The following REDIC1 variants were observed in gnomAD, a reference collection of about 807,000 sequenced individuals.
REDIC1 encodes regulator of DNA class I crossover intermediates 1, also known as HEI10 Interacting Protein 1.
chr12:39,686,531 G>T, the REDIC1 span, among the ~76,000 whole-genome samples: 1 of 148,294 alleles, frequency 6.7e-6, no homozygotes, highest in African/African-American at 2.5e-5. Context: ...GCAGGGCCCT[G>T]AGCCTGGCCC....
the REDIC1 span, among the ~76,000 whole-genome samples, chr12:39,852,779 AACCAATCAGATTGGTTGTG>A: frequency 6.6e-6 from 1 of 152,152 alleles, no homozygotes; most frequent in African/African-American, 2.4e-5. Flanking sequence ...CCTCTCCTGA[AACCAATCAGATTGGTTGTG>A]ACCTCGTCTT....
At chr12:39,835,264 C>T in the REDIC1 span, among the ~76,000 whole-genome samples, 11 of 152,002 alleles carry the variant, frequency 7.2e-5, no homozygotes, top group Admixed American at 6.6e-5. Context: ...TAACAATCCA[C>T]CCAGTTCTAA....
the REDIC1 span, among the ~76,000 whole-genome samples, chr12:39,801,253 A>G: frequency 6.1e-5 from 9 of 147,286 alleles, no homozygotes; most frequent in African/African-American, 9.9e-5. Flanking sequence ...TAATTAAAAA[A>G]AAAATCATTT....
the REDIC1 span, among the ~76,000 whole-genome samples, chr12:39,731,538 G>A: frequency 6.6e-6 from 1 of 152,170 alleles, no homozygotes; most frequent in Non-Finnish European, 1.5e-5. Context: ...GTCCCAGAGG[G>A]GCACCCGCCA....
At chr12:39,807,956 G>A in the REDIC1 span, among the ~76,000 whole-genome samples, 1 of 152,086 alleles carries the variant, frequency 6.6e-6, no homozygotes, top group Non-Finnish European at 1.5e-5. Context: ...TGGAAGTCAA[G>A]AAATCCAGTA....
the REDIC1 span, among the ~76,000 whole-genome samples, chr12:39,857,457 C>G: frequency 3.7e-4 from 57 of 152,274 alleles, 1 homozygote; most frequent in African/African-American, 1.3e-3. Context: ...ATCACCCAGC[C>G]TTGCCATTCC....
the REDIC1 span, among the ~76,000 whole-genome samples, chr12:39,835,328 C>T: frequency 6.6e-6 from 1 of 152,070 alleles, no homozygotes; most frequent in Non-Finnish European, 1.5e-5. Context: ...CCTAAATTCA[C>T]ACAAACCTTA....
the REDIC1 span, among the ~76,000 whole-genome samples, chr12:39,713,299 C>CACACACATACGTGTATATATGTGT: frequency 5.2e-5 from 1 of 19,324 alleles, no homozygotes; most frequent in Non-Finnish European, 1.4e-4. Flanking sequence ...TATATGTGTA[C>CACACACATACGTGTATATATGTGT]ACACACATAC....
At chr12:39,889,768 G>A in the REDIC1 span, among the ~76,000 whole-genome samples, 1 of 152,004 alleles carries the variant, frequency 6.6e-6, no homozygotes, top group African/African-American at 2.4e-5. Context: ...TTGACCTCGT[G>A]ATCTGCCCGC....
At chr12:39,774,146 A>G in the REDIC1 span, among the ~76,000 whole-genome samples, 1 of 152,208 alleles carries the variant, frequency 6.6e-6, no homozygotes, top group African/African-American at 2.4e-5. Flanking sequence ...TTACAATTTG[A>G]GGGTAGTGGT....
the REDIC1 span, among the ~76,000 whole-genome samples, chr12:39,892,432 G>A: frequency 6.6e-6 from 1 of 152,172 alleles, no homozygotes; most frequent in Non-Finnish European, 1.5e-5. Flanking sequence ...AGATCTCACT[G>A]GATGAGTGAT....
the REDIC1 span, among the ~76,000 whole-genome samples, chr12:39,740,167 T>C: frequency 1.3e-5 from 2 of 152,200 alleles, no homozygotes. Context: ...CATCCCTACA[T>C]TTTAGATGGT....
At chr12:39,711,497 G>GTATGTATATATGTGTATA in the REDIC1 span, among the ~76,000 whole-genome samples, 1 of 139,926 alleles carries the variant, frequency 7.1e-6, no homozygotes, top group African/African-American at 2.7e-5. Flanking sequence ...ATGTATATAA[G>GTATGTATATATGTGTATA]TATGTATATA....
At chr12:39,768,669 A>ACGT in the REDIC1 span, among the ~76,000 whole-genome samples, 7 of 152,056 alleles carry the variant, frequency 4.6e-5, no homozygotes, top group Non-Finnish European at 1.0e-4. Context: ...ATTAAGTTTG[A>ACGT]CGTCTTATAC....
At chr12:39,711,727 GCA>G in the REDIC1 span, among the ~76,000 whole-genome samples, 366 of 12,154 alleles carry the variant, frequency 0.03, 26 homozygotes, top group African/African-American at 0.053. Flanking sequence ...GTATGCACAT[GCA>G]TGTGTGTATG....
the REDIC1 span, among the ~76,000 whole-genome samples, chr12:39,708,429 A>G: frequency 2.2e-4 from 34 of 151,932 alleles, no homozygotes; most frequent in African/African-American, 7.9e-4. Context: ...CAGAAGACTT[A>G]TCTTCTTTAT....
chr12:39,772,849 C>CA, the REDIC1 span, among the ~76,000 whole-genome samples: 19 of 132,600 alleles, frequency 1.4e-4, no homozygotes, highest in Middle Eastern at 3.7e-3. Flanking sequence ...TTTACATGTG[C>CA]AAAAAAAAGG....
chr12:39,889,784 C>A, the REDIC1 span, among the ~76,000 whole-genome samples: 61 of 152,172 alleles, frequency 4.0e-4, no homozygotes, highest in Admixed American at 7.2e-4. Flanking sequence ...CCCGCCTTGG[C>A]CTCCCAAAGT....
the REDIC1 span, among the ~76,000 whole-genome samples, chr12:39,855,178 C>T: frequency 6.6e-6 from 1 of 152,094 alleles, no homozygotes; most frequent in Non-Finnish European, 1.5e-5. Flanking sequence ...ATATTTGTTA[C>T]TTAATGTGTT....
Sources: allele counts gnomAD v4.1 joint callset (sites outside exome capture counted in the v4.1 genomes callset), GRCh38; gene constraint gnomAD v4.1.1; transcripts MANE v1.5; gene names NCBI Gene and HGNC (gene_info 2026-07-23, HGNC 2026-07-21).